The following SCUBE3 variants were observed in gnomAD, a reference collection of about 807,000 sequenced individuals.
The protein encoded by SCUBE3 is signal peptide, CUB domain and EGF like domain containing 3.
In SCUBE3, 33 loss-of-function variants were observed where a neutral mutation model predicts 116.8. That is an observed-to-expected ratio of 0.28 (90% confidence interval 0.21 to 0.38). The LOEUF (loss-of-function observed/expected upper bound fraction) is 0.38, where lower values mean the gene tolerates loss of function less well. SCUBE3 is among the 10% of genes least tolerant of loss of function. SCUBE3 has a pLI of 1.00. For synonymous variants in SCUBE3, 418 were observed against 496.9 expected, an observed-to-expected ratio of 0.84 and a Z score of 2.11; for missense variants, 1,007 against 1,324.8, an observed-to-expected ratio of 0.76 and a Z score of 3.72.
chr6:35,234,840 C>T (rs991112986), intron 6 of SCUBE3, among the ~76,000 whole-genome samples: 1 of 152,208 alleles, frequency 6.6e-6, no homozygotes, highest in African/African-American at 2.4e-5. Flanking sequence ...TTCTCTAACT[C>T]AAGACCTGTT....
intron 1 of SCUBE3, among the ~76,000 whole-genome samples, chr6:35,216,978 CTG>C (rs1410815023): frequency 5.3e-5 from 8 of 151,840 alleles, no homozygotes; most frequent in South Asian, 2.1e-4. Flanking sequence ...AGCTGGATGT[CTG>C]TGTTTCTTGT....
chr6:35,243,034 G>A lies in SCUBE3; in HGVS notation c.1707G>A (p.Leu569=). Residue 569 remains leucine, a synonymous_variant, in exon 15 of 22, where the codon CTG becomes CTA. Coordinates refer to ENST00000274938, the MANE Select transcript of SCUBE3 (RefSeq NM_152753.4). The surrounding 1 kb of genome is among the most constrained non-coding windows in gnomAD (Gnocchi z 6.6). ...RAEETTASCG[L]PCLRQRMERR... ...ATCCACCACCAGCCAGCTGTGGGCT[G>A]CCCTGCCTCCGACAGCGAATGGAAC... The A allele has an allele frequency of 1.9e-6, 3 of 1,614,050 alleles. No individual in the cohort carries two copies. The highest frequency in any genetic ancestry group is 2.5e-6 in the Non-Finnish European group (3 of 1,180,010).
Position 35,240,799 on chromosome 6 carries a change from C to T in SCUBE3, c.1069+309C>T, listed in dbSNP as rs953916546. 2.0e-5 allele frequency among the ~76,000 whole-genome samples: 3 copies of T among 152,204 alleles called. No homozygotes were observed. The highest frequency in any genetic ancestry group is 7.2e-5 in the African/African-American group (3 of 41,448). ...TGGAAGGCTTTAAAAAGCTTGTTGG[C>T]TTGGCCCCTTCTCGATCATTCCTTT... On this transcript the variant is annotated intron_variant, in intron 9 of 21. Coordinates refer to ENST00000274938, the MANE Select transcript of SCUBE3 (RefSeq NM_152753.4). The surrounding 1 kb of genome is among the most constrained non-coding windows in gnomAD (Gnocchi z 4.6).
rs1784555920 is a variant in SCUBE3, at chr6:35,251,512, G to A, written c.*2807G>A. On this transcript the variant is annotated 3_prime_UTR_variant, in exon 22 of 22. Coordinates refer to ENST00000274938, the MANE Select transcript of SCUBE3 (RefSeq NM_152753.4). ...TGCGTCTCTTGGAAAGCCAAACGGT[G>A]ACCATGCTTCTTAATTTATGCCTTC... 6.6e-6 allele frequency: 1 copy of A among 152,270 alleles called. No individual in the cohort carries two copies. The highest frequency in any genetic ancestry group is 6.5e-5 in the Admixed American group (1 of 15,278). The allele number at this position is 152,270 out of a possible 1,614,324, so 9.4% of individuals were successfully genotyped here. A position where few individuals can be genotyped will look rare whatever the true frequency, so the allele number is the denominator to read the frequency against.
chr6:35,244,597 G>C lies in SCUBE3; in HGVS notation c.2240-53G>C, dbSNP rs550404769. 3 of 1,502,256 alleles carry C rather than the reference G, an allele frequency of 2.0e-6. No individual in the cohort carries two copies. Among genetic ancestry groups the C allele is most frequent in the Non-Finnish European group, 2.8e-6 (3 of 1,081,912 alleles). The allele number at this position is 1,502,256 out of a possible 1,614,324, so 93.1% of individuals were successfully genotyped here. A position where few individuals can be genotyped will look rare whatever the true frequency, so the allele number is the denominator to read the frequency against. On this transcript the variant is annotated intron_variant, in intron 17 of 21. Transcript: ENST00000274938. This position sits in a 1 kb window ranked among gnomAD's most constrained non-coding sequence, Gnocchi z 4.3. ...ATGTATCCTGTCCATCCCATGCCCC[G>C]TAACTCCCACCTGCCTACCATCTTG...
chr6:35,227,123 C>T (rs923104896), intron 1 of SCUBE3, among the ~76,000 whole-genome samples: 1 of 152,136 alleles, frequency 6.6e-6, no homozygotes, highest in Non-Finnish European at 1.5e-5. Context: ...CCTCAGATGC[C>T]CCATCCCCCT....
rs1783755067 is a variant in SCUBE3 at position 35,235,982 on chromosome 6, A to C, written c.713-1920A>C. On this transcript the variant is annotated intron_variant, in intron 6 of 21. Transcript: ENST00000274938. The surrounding 1 kb of genome is among the most constrained non-coding windows in gnomAD (Gnocchi z 4.5). ...CCATTCTCTCCTACCGTAATGGCTA[A>C]GAGCATGGCATGTGTGTTCAGGCAG... Among the ~76,000 whole-genome samples the C allele has an allele frequency of 6.6e-6, 1 of 152,208 alleles. No individual in the cohort carries two copies. Among genetic ancestry groups the C allele is most frequent in the South Asian group, 2.1e-4 (1 of 4,834 alleles).
At chr6:35,217,218 T>G (rs1782931423) in intron 1 of SCUBE3, among the ~76,000 whole-genome samples, 1 of 2,062 alleles carries the variant, frequency 4.8e-4, no homozygotes, top group Non-Finnish European at 2.3e-3. Flanking sequence ...GGGTGGGTGT[T>G]TGGCGGGGGG....
chr6:35,234,508 T>C (rs1459440252), intron 6 of SCUBE3, among the ~76,000 whole-genome samples: 1 of 152,236 alleles, frequency 6.6e-6, no homozygotes, highest in African/African-American at 2.4e-5. Context: ...AAATCTCCCC[T>C]GCCACGTTTC....
chr6:35,222,597 A>C (rs139094503), intron 1 of SCUBE3: 33 of 152,342 alleles, frequency 2.2e-4, no homozygotes, highest in African/African-American at 7.7e-4. Context: ...CCCCCACCTC[A>C]ACTTTGGTTC....
rs1784509716 is a variant in SCUBE3, at chr6:35,250,380, C to T, written c.*1675C>T. 6.6e-6 allele frequency: 1 copy of T among 152,144 alleles called. No individual in the cohort carries two copies. The highest frequency in any genetic ancestry group is 2.4e-5 in the African/African-American group (1 of 41,424). The allele number at this position is 152,144 out of a possible 1,614,324, so 9.4% of individuals were successfully genotyped here. ...CACATGGAAGAGGACCAGGACATAC[C>T]ACCTGGGGATGGGCTGACTCAGGGT... On this transcript the variant is annotated 3_prime_UTR_variant, in exon 22 of 22. Coordinates refer to ENST00000274938, the MANE Select transcript of SCUBE3 (RefSeq NM_152753.4).
intron 13 of SCUBE3, 119 bp from the exon 14 acceptor site, chr6:35,242,503 C>G: frequency 9.6e-7 from 1 of 1,044,828 alleles, no homozygotes; most frequent in Non-Finnish European, 1.4e-6. Flanking sequence ...CTAATTAGGA[C>G]CCTAGACTAA....
In SCUBE3 at chr6:35,249,131, G is replaced by A. The variant is rs1784464688; in HGVS notation, c.*426G>A. On this transcript the variant is annotated 3_prime_UTR_variant, in exon 22 of 22. Coordinates refer to ENST00000274938, the MANE Select transcript of SCUBE3 (RefSeq NM_152753.4). ...GCCATTATAGGGTTGTGCCTTGCTA[G>A]TCAGGGGCCAAAATGTCCCCTGGCT... 1 of 161,650 alleles carries A rather than the reference G, an allele frequency of 6.2e-6. No individual in the cohort carries two copies. The highest frequency in any genetic ancestry group is 2.4e-5 in the African/African-American group (1 of 41,512). 10.0% of individuals were successfully genotyped at this position (161,650 alleles called of 1,614,324 possible). A position where few individuals can be genotyped will look rare whatever the true frequency, so the allele number is the denominator to read the frequency against.
chr6:35,243,651 C>T lies in SCUBE3; in HGVS notation c.1967C>T (p.Pro656Leu), dbSNP rs146831077. 6 of 1,613,986 alleles carry T rather than the reference C, an allele frequency of 3.7e-6. No individual in the cohort carries two copies. The African/African-American group carries it at 6.7e-5, about 18-fold the overall frequency. The change falls in exon 16 of 22, where the codon CCA becomes CTA. Residue 656 changes from proline to leucine, a missense_variant. Around this residue, in one of 5 missense-constraint regions of SCUBE3, gnomAD observed 544 missense variants for 638.9 expected, o/e 0.85. Transcript: ENST00000274938. This position sits in a 1 kb window ranked among gnomAD's most constrained non-coding sequence, Gnocchi z 6.6. ...CAGACGGAGCAGTGTGTGCCATGCC[C>T]AGCGGGCACCTTCCAGGAGAGAGAA... is the stretch of plus-strand genomic sequence containing the variant. ...HGQTEQCVPC[P>L]AGTFQEREGQ...
At chr6:35,242,501 G>A (rs1784117907) in intron 13 of SCUBE3, 121 bp from the exon 14 acceptor site, 1 of 1,018,098 alleles carries the variant, frequency 9.8e-7, no homozygotes, top group Non-Finnish European at 1.5e-6. Flanking sequence ...AACTAATTAG[G>A]ACCCTAGACT....
At chr6:35,226,090 C>T (rs1262385362) in intron 1 of SCUBE3, among the ~76,000 whole-genome samples, 1 of 152,204 alleles carries the variant, frequency 6.6e-6, no homozygotes, top group Non-Finnish European at 1.5e-5. Context: ...TGCCCCGTAA[C>T]ACAGGTTCTC....
chr6:35,252,391 G>A lies in SCUBE3; in HGVS notation c.*3686G>A, dbSNP rs1020565726. The stretch of plus-strand genomic sequence containing the variant: ...CACAGTCCTGGTCTTTGGCCCTAGA[G>A]AAACTTTTTATATGAGAAGTGTTCT... On this transcript the variant is annotated 3_prime_UTR_variant, in exon 22 of 22. Coordinates refer to ENST00000274938, the MANE Select transcript of SCUBE3 (RefSeq NM_152753.4). The A allele has an allele frequency of 1.3e-5, 2 of 152,214 alleles. No homozygotes were observed. The highest frequency in any genetic ancestry group is 2.9e-5 in the Non-Finnish European group (2 of 68,036). 9.4% of individuals were successfully genotyped at this position (152,214 alleles called of 1,614,324 possible).
chr6:35,218,847 A>T (rs191225796), intron 1 of SCUBE3, among the ~76,000 whole-genome samples: 3 of 152,246 alleles, frequency 2.0e-5, no homozygotes, highest in Non-Finnish European at 4.4e-5. Context: ...CACCGGGGAT[A>T]TAGAGGTATA....
intron 1 of SCUBE3, among the ~76,000 whole-genome samples, chr6:35,215,217 T>C (rs981819868): frequency 1.3e-5 from 2 of 152,194 alleles, no homozygotes; most frequent in African/African-American, 4.8e-5. Flanking sequence ...CAGGTCAGAA[T>C]TGCATTAAAA....
Sources: allele counts gnomAD v4.1 joint callset (sites outside exome capture counted in the v4.1 genomes callset), GRCh38; gene constraint gnomAD v4.1.1; regional missense constraint gnomAD v4.1.1; non-coding constraint Gnocchi (gnomAD v3.1); transcripts MANE v1.5; gene names NCBI Gene and HGNC (gene_info 2026-07-23, HGNC 2026-07-21).